Variants in DDX1 observed in about 807,000 individuals in gnomAD.
DDX1 encodes the protein ATP-dependent RNA helicase DDX1.
Under a neutral mutation model 108.7 loss-of-function variants are expected in DDX1, and 28 were observed. The ratio of observed to expected loss-of-function variants is 0.26; its 90% CI spans 0.19 to 0.35. DDX1 has a LOEUF of 0.35. Among genes scored for constraint, DDX1 ranks in the 10% least tolerant of loss-of-function variants. DDX1 has a pLI of 1.00. For synonymous variants in DDX1, 295 were observed against 288.9 expected, an observed-to-expected ratio of 1.02 and a Z score of -0.21; for missense variants, 710 against 884.5, an observed-to-expected ratio of 0.80 and a Z score of 2.50.
intron 13 of DDX1, among the ~76,000 whole-genome samples, chr2:15,611,846 T>C (rs113360486): frequency 6.7e-5 from 5 of 75,054 alleles, no homozygotes; most frequent in Middle Eastern, 0.012. Context: ...GGCTCCTCAC[T>C]TCCCAGTAGG....
intron 18 of DDX1, among the ~76,000 whole-genome samples, chr2:15,622,080 A>G (rs1666021772): frequency 6.6e-6 from 1 of 152,256 alleles, no homozygotes; most frequent in African/African-American, 2.4e-5. Context: ...GGAATATTGC[A>G]TAAGAAAGAA....
Position 15,595,543 on chromosome 2 carries a change from A to C in DDX1, c.122A>C (p.Asp41Ala). Residue 41 changes from aspartate to alanine, a missense_variant, in exon 3 of 26, where the codon GAT becomes GCT. Asp to Ala is a moderately radical substitution (Grantham distance 126). Around this residue, in one of 3 missense-constraint regions of DDX1, gnomAD observed 48 missense variants for 57.5 expected, o/e 0.83. Transcript: ENST00000233084. ...ATCCCATTGATCTTAGGAGGAGGTG[A>C]TGTACTTATGGTAAGTTTAAATTTG... ...ESIPLILGGGDVLMAAETGSG... is the reference protein window; with the variant it reads ...ESIPLILGGGAVLMAAETGSG... The C allele has an allele frequency of 1.2e-6, 2 of 1,607,960 alleles. No individual in the cohort carries two copies. The highest frequency in any genetic ancestry group is 1.7e-6 in the Non-Finnish European group (2 of 1,174,412).
chr2:15,625,854 TACATTAC>T (rs1666094126), intron 19 of DDX1, among the ~76,000 whole-genome samples: 2 of 152,126 alleles, frequency 1.3e-5, no homozygotes, highest in African/African-American at 4.8e-5. Flanking sequence ...ATATAAAGAA[TACATTAC>T]ACTGTTCATT....
At chr2:15,629,917 T>G in intron 24 of DDX1, 73 bp from the exon 25 acceptor site, 1 of 1,420,334 alleles carries the variant, frequency 7.0e-7, no homozygotes, top group Non-Finnish European at 9.6e-7. Flanking sequence ...CTTTCCAGCT[T>G]TATTTAATGA....
rs183634119 is a variant in DDX1, at chr2:15,604,585, C to T, written c.625+76C>T. The stretch of plus-strand genomic sequence containing the variant: ...TTGTGGTTTTTAAAAATCCCCCCAC[C>T]CTGTTTTTCAAATCCCCGTCCCTCC... On this transcript the variant is annotated intron_variant, in intron 10 of 25. Coordinates refer to ENST00000233084, the MANE Select transcript of DDX1 (RefSeq NM_004939.3). 66 of 984,228 alleles carry T rather than the reference C, an allele frequency of 6.7e-5. No homozygotes were observed. In the East Asian group the frequency reaches 1.4e-3, roughly 21 times the overall value. The allele number at this position is 984,228 out of a possible 1,614,324, so 61.0% of individuals were successfully genotyped here.
chr2:15,608,450 C>A (rs1665701129), intron 13 of DDX1, among the ~76,000 whole-genome samples: 1 of 151,600 alleles, frequency 6.6e-6, no homozygotes, highest in Non-Finnish European at 1.5e-5. Context: ...TTGCTTGAAC[C>A]CAGGAGGTGG....
At chr2:15,612,926 T>A (rs28461172) in intron 13 of DDX1, among the ~76,000 whole-genome samples, 101,077 of 149,896 alleles carry the variant, frequency 0.67, 35,229 homozygotes, top group East Asian at 0.89. Flanking sequence ...AGAATCAGGC[T>A]GGGAGGTTGC....
rs1347992347 is a variant in DDX1, at chr2:15,617,356, T to C, written c.1116+14T>C. 2 of 1,470,888 alleles carry C rather than the reference T, an allele frequency of 1.4e-6. No homozygotes were observed. Among genetic ancestry groups the C allele is most frequent in the Admixed American group, 2.0e-5 (1 of 50,820 alleles). 91.1% of individuals were successfully genotyped at this position (1,470,888 alleles called of 1,614,324 possible). On this transcript the variant is annotated intron_variant, in intron 15 of 25. Transcript: ENST00000233084. The stretch of plus-strand genomic sequence containing the variant: ...CTGGATGAAGCTGTATGTTGAAATA[T>C]AATCATACTTTTTAAAAAGTTTACT...
chr2:15,613,375 G>A, intron 14 of DDX1, 91 bp downstream of exon 14: 1 of 848,476 alleles, frequency 1.2e-6, no homozygotes, highest in Non-Finnish European at 1.8e-6. Flanking sequence ...ATTTAAGTGA[G>A]GCTGAAATTA....
At chr2:15,592,610 T>C (rs1328273489) in intron 1 of DDX1, among the ~76,000 whole-genome samples, 1 of 152,182 alleles carries the variant, frequency 6.6e-6, no homozygotes, top group East Asian at 1.9e-4. Context: ...ATTCCAAATA[T>C]GATTTGATAT....
intron 14 of DDX1, among the ~76,000 whole-genome samples, chr2:15,614,541 A>T (rs1445926244): frequency 6.6e-6 from 1 of 152,184 alleles, no homozygotes; most frequent in Non-Finnish European, 1.5e-5. Context: ...CTTTTAACAG[A>T]TGATTAGATC....
At chr2:15,601,809 G>A (rs1665592476) in intron 6 of DDX1, among the ~76,000 whole-genome samples, 1 of 152,208 alleles carries the variant, frequency 6.6e-6, no homozygotes, top group African/African-American at 2.4e-5. Flanking sequence ...TTCAAGTACA[G>A]AATACGAGTT....
At chr2:15,601,814 C>T (rs78561900) in intron 6 of DDX1, among the ~76,000 whole-genome samples, 6 of 152,086 alleles carry the variant, frequency 3.9e-5, no homozygotes, top group African/African-American at 9.7e-5. Context: ...GTACAGAATA[C>T]GAGTTGGAAA....
At position 15,630,938 on chromosome 2, in the gene DDX1, T is replaced by G; in HGVS notation, c.*32T>G. ...CATTTACTGAATAAGATTTGAGTAATGAAAGTCTGTAGTCTTAAAACTCTA... is the reference window on the plus strand; with the variant it reads ...CATTTACTGAATAAGATTTGAGTAAGGAAAGTCTGTAGTCTTAAAACTCTA... On this transcript the variant is annotated 3_prime_UTR_variant, in exon 26 of 26. Transcript: ENST00000233084. 1 of 1,607,822 alleles carries G rather than the reference T, an allele frequency of 6.2e-7. No homozygotes were observed. The highest frequency in any genetic ancestry group is 8.5e-7 in the Non-Finnish European group (1 of 1,175,142).
At chr2:15,611,816 G>A (rs1573043890) in intron 13 of DDX1, among the ~76,000 whole-genome samples, 2 of 110,998 alleles carry the variant, frequency 1.8e-5, no homozygotes, top group African/African-American at 4.1e-5. Context: ...TCCCGGACGG[G>A]GCGGCTGGCC....
At chr2:15,626,612 C>T (rs528673062) in intron 19 of DDX1, among the ~76,000 whole-genome samples, 3 of 152,204 alleles carry the variant, frequency 2.0e-5, no homozygotes, top group Admixed American at 6.5e-5. Flanking sequence ...AACTATGTTG[C>T]TTAAAATACC....
At chr2:15,603,510 A>C (rs1401420323) in intron 8 of DDX1, among the ~76,000 whole-genome samples, 1 of 152,236 alleles carries the variant, frequency 6.6e-6, no homozygotes, top group Non-Finnish European at 1.5e-5. Context: ...AGTCAGGGTA[A>C]AGTTAGTGTG....
Position 15,607,248 on chromosome 2 carries a change from G to T in DDX1, c.891G>T (p.Glu297Asp). 6.2e-7 allele frequency: 1 copy of T among 1,613,602 alleles called. No homozygotes were observed. The highest frequency in any genetic ancestry group is 2.2e-5 in the East Asian group (1 of 44,854). The part of the protein sequence containing the change: ...PKALIVEPSR[E>D]LAEQTLNNIK... The stretch of plus-strand genomic sequence containing the variant: ...CTCTCATTGTTGAACCTTCCCGGGA[G>T]TTAGCTGAACAAACTTTGAACAACA... Residue 297 changes from glutamate (E) to aspartate (D), a missense_variant, in exon 13 of 26, where the codon GAG (glutamate) becomes GAT (aspartate). By Grantham distance (45) the Glu-to-Asp change is conservative. Coordinates refer to ENST00000233084, the MANE Select transcript of DDX1 (RefSeq NM_004939.3).
At chr2:15,614,361 C>G (rs1665858157) in intron 14 of DDX1, among the ~76,000 whole-genome samples, 1 of 152,064 alleles carries the variant, frequency 6.6e-6, no homozygotes, top group African/African-American at 2.4e-5. Flanking sequence ...TACATTTGAC[C>G]TGGTATGCCA....
Sources: allele counts gnomAD v4.1 joint callset (sites outside exome capture counted in the v4.1 genomes callset), GRCh38; gene constraint gnomAD v4.1.1; regional missense constraint gnomAD v4.1.1; transcripts MANE v1.5; gene names NCBI Gene and HGNC (gene_info 2026-07-23, HGNC 2026-07-21).